The following IL31RA variants were observed in gnomAD, a reference collection of about 807,000 sequenced individuals.
IL31RA encodes interleukin 31 receptor A, also known as interleukin-31 receptor subunit alpha.
A neutral mutation model predicts 83.7 loss-of-function variants in IL31RA; 66 were observed. The ratio of observed to expected loss-of-function variants is 0.79; its 90% CI spans 0.65 to 0.97. The LOEUF (loss-of-function observed/expected upper bound fraction) is 0.97, where lower values mean the gene tolerates loss of function less well. Ranked by LOEUF, IL31RA falls within the 50% of genes least tolerant of loss-of-function variation. The pLI, the probability that IL31RA is intolerant of heterozygous loss-of-function variation, is 0.00. For synonymous variants in IL31RA, 325 were observed against 329.0 expected (o/e 0.99, Z 0.13); for missense variants, 798 against 919.4 (o/e 0.87, Z 1.71).
intron 6 of IL31RA, among the ~76,000 whole-genome samples, chr5:55,894,391 CTT>C (rs1748208364): frequency 6.6e-6 from 1 of 152,174 alleles, no homozygotes; most frequent in Non-Finnish European, 1.5e-5. Flanking sequence ...GCTGTCCTGT[CTT>C]ATGATTCAAT....
At chr5:55,867,059 CTTAG>C (rs1162818245) in intron 2 of IL31RA, among the ~76,000 whole-genome samples, 2 of 151,876 alleles carry the variant, frequency 1.3e-5, no homozygotes, top group Admixed American at 6.6e-5. Context: ...TAAAATTGCT[CTTAG>C]TTCTTAGTTG....
chr5:55,850,617 C>G (rs1745030657), upstream of IL31RA, among the ~76,000 whole-genome samples: 1 of 152,132 alleles, frequency 6.6e-6, no homozygotes. Flanking sequence ...TTCCCCCCAT[C>G]TGCTGTTGGG....
At chr5:55,848,583 C>T (rs540878765), upstream of IL31RA, among the ~76,000 whole-genome samples, 74 of 152,224 alleles carry the variant, frequency 4.9e-4, no homozygotes, top group Non-Finnish European at 9.0e-4. Flanking sequence ...AAACAAATTA[C>T]AATTTATCTG....
intron 5 of IL31RA, among the ~76,000 whole-genome samples, chr5:55,886,268 C>CTTTTTTTTTTTT (rs35481013): frequency 9.8e-5 from 7 of 71,510 alleles, no homozygotes; most frequent in South Asian, 6.0e-4. Context: ...TGCTTGCTTG[C>CTTTTTTTTTTTT]TTTTTTTTTT....
chr5:55,900,522 A>G (rs1423838707), intron 8 of IL31RA, among the ~76,000 whole-genome samples: 3 of 152,098 alleles, frequency 2.0e-5, no homozygotes, highest in Non-Finnish European at 4.4e-5. Flanking sequence ...ACAAATGGGT[A>G]CTCACCACAT....
At chr5:55,847,883 A>G (rs531652065), upstream of IL31RA, among the ~76,000 whole-genome samples, 45 of 152,166 alleles carry the variant, frequency 3.0e-4, no homozygotes, top group African/African-American at 1.0e-3. Context: ...CATGACCCTG[A>G]TGGTTTTGAA....
intron 4 of IL31RA, among the ~76,000 whole-genome samples, chr5:55,876,386 CA>C (rs1257812031): frequency 6.6e-6 from 1 of 152,172 alleles, no homozygotes; most frequent in African/African-American, 2.4e-5. Context: ...AGCCTGGTAA[CA>C]GAGCAAGATT....
Position 55,916,877 on chromosome 5 carries a change from A to G in IL31RA, c.2052A>G (p.Lys684=), listed in dbSNP as rs1336441230. 1.9e-6 allele frequency: 3 copies of G among 1,614,122 alleles called. No individual in the cohort carries two copies. Among genetic ancestry groups the G allele is most frequent in the South Asian group, 1.1e-5 (1 of 91,068 alleles). The stretch of plus-strand genomic sequence containing the variant: ...TCAGGCCTGATTGTCCCCTGGGGAA[A>G]AGTTTTGAGGAGCTCCCAGTTTCAC... ...CPFRPDCPLG[K]SFEELPVSPE... is the part of the protein sequence containing the mutation. The change falls in exon 15 of 15, where the codon AAA becomes AAG. Residue 684 remains lysine (K), a synonymous_variant. Transcript: ENST00000652347.
At position 55,917,444 on chromosome 5, in the gene IL31RA, T is replaced by C. The variant is rs1014689327; in HGVS notation, c.*324T>C. On this transcript the variant is annotated 3_prime_UTR_variant, in exon 15 of 15. Coordinates refer to ENST00000652347, the MANE Select transcript of IL31RA (RefSeq NM_139017.7). ...TTCTGAGCCCAAAGGACCCCCAGGG[T>C]GGACATATCTGGCCTCCCAGGAATT... The C allele has an allele frequency of 3.8e-5, 25 of 654,472 alleles. No homozygotes were observed. Among genetic ancestry groups the C allele is most frequent in the Middle Eastern group, 5.9e-4 (1 of 1,688 alleles). The allele number at this position is 654,472 out of a possible 1,614,324, so 40.5% of individuals were successfully genotyped here.
At chr5:55,869,761 A>G (rs1580673238) in intron 3 of IL31RA, among the ~76,000 whole-genome samples, 1 of 152,336 alleles carries the variant, frequency 6.6e-6, no homozygotes, top group East Asian at 1.9e-4. Flanking sequence ...GGCATGAGCC[A>G]CCGTGCCTGT....
chr5:55,866,787 A>C (rs969519906), intron 2 of IL31RA: 2 of 152,380 alleles, frequency 1.3e-5, no homozygotes, highest in African/African-American at 2.4e-5. Flanking sequence ...CACTGACATC[A>C]GAATTCTTTG....
the IL31RA span, among the ~76,000 whole-genome samples, chr5:55,845,692 G>T: frequency 1.3e-5 from 2 of 151,942 alleles, no homozygotes; most frequent in East Asian, 1.9e-4. Context: ...TTTTCCTTCC[G>T]CCATGATTGT....
chr5:55,847,226 GAAAAA>G (rs57491641), upstream of IL31RA, among the ~76,000 whole-genome samples: 1,854 of 118,800 alleles, frequency 0.016, 39 homozygotes, highest in Middle Eastern at 0.021. Context: ...CTGGGCAACA[GAAAAA>G]AAAAAAAAAA....
intron 2 of IL31RA, among the ~76,000 whole-genome samples, chr5:55,867,139 G>A (rs1326521196): frequency 3.9e-5 from 2 of 51,446 alleles, no homozygotes; most frequent in Admixed American, 1.5e-4. Context: ...GTGTGTGCAT[G>A]TGTGTGTGCA....
At chr5:55,887,907 C>T (rs909812435) in intron 5 of IL31RA, among the ~76,000 whole-genome samples, 14 of 150,392 alleles carry the variant, frequency 9.3e-5, no homozygotes, top group Non-Finnish European at 1.3e-4. Flanking sequence ...AAAATTAGCC[C>T]GGCGTGGTGG....
At chr5:55,893,937 G>A (rs765400518) in intron 6 of IL31RA, among the ~76,000 whole-genome samples, 2 of 150,400 alleles carry the variant, frequency 1.3e-5, no homozygotes, top group African/African-American at 2.5e-5. Flanking sequence ...TCAGCCTCCC[G>A]AATAGCTGGG....
intron 2 of IL31RA, among the ~76,000 whole-genome samples, chr5:55,863,767 A>T (rs66842084): frequency 5.9e-5 from 9 of 151,850 alleles, no homozygotes; most frequent in African/African-American, 2.2e-4. Context: ...GGAACCACTT[A>T]CTCTTCTCCT....
the IL31RA span, among the ~76,000 whole-genome samples, chr5:55,840,818 G>A: frequency 2.7e-4 from 41 of 152,282 alleles, no homozygotes; most frequent in South Asian, 8.3e-4. Flanking sequence ...GAATATTCCT[G>A]TGTTTTTCTT....
intron 1 of IL31RA, chr5:55,853,507 C>G: frequency 6.4e-7 from 1 of 1,550,628 alleles, no homozygotes; most frequent in African/African-American, 1.4e-5. Flanking sequence ...GGTGGAGTTG[C>G]CTTTGATGCA....
Sources: allele counts gnomAD v4.1 joint callset (sites outside exome capture counted in the v4.1 genomes callset), GRCh38; gene constraint gnomAD v4.1.1; transcripts MANE v1.5; gene names NCBI Gene and HGNC (gene_info 2026-07-23, HGNC 2026-07-21).